The following RBFOX1 variants were observed in gnomAD, a reference collection of about 807,000 sequenced individuals.
The protein encoded by RBFOX1 is RNA binding protein fox-1 homolog 1.
A neutral mutation model predicts 57.7 loss-of-function variants in RBFOX1; 8 were observed. The observed-to-expected ratio is 0.14, with a 90% CI of 0.08 to 0.25. The LOEUF (loss-of-function observed/expected upper bound fraction) is 0.25, where lower values mean the gene tolerates loss of function less well. RBFOX1 is among the 10% of genes least tolerant of loss of function. The pLI, the probability that RBFOX1 is intolerant of heterozygous loss-of-function variation, is 1.00. For missense variants in RBFOX1, 611 were observed against 548.5 expected (o/e 1.11, Z -1.14); for synonymous variants, 326 against 222.4 (o/e 1.47, Z -4.15).
At chr16:5,536,226 G>C (rs990449847) in intron 2 of RBFOX1, among the ~76,000 whole-genome samples, 1 of 116,482 alleles carries the variant, frequency 8.6e-6, no homozygotes, top group African/African-American at 3.5e-5. Flanking sequence ...GAAATCTCCT[G>C]TCTTTTTTTT....
At chr16:6,557,122 CATACATAT>C (rs2097114304) in intron 2 of RBFOX1, among the ~76,000 whole-genome samples, 1 of 139,392 alleles carries the variant, frequency 7.2e-6, no homozygotes, top group African/African-American at 2.6e-5. Flanking sequence ...TACATATATA[CATACATAT>C]ACATATATAC....
chr16:5,958,756 C>A (rs1342922537), intron 4 of RBFOX1, among the ~76,000 whole-genome samples: 1 of 152,184 alleles, frequency 6.6e-6, no homozygotes, highest in Non-Finnish European at 1.5e-5. Context: ...TATTCCTTGC[C>A]TTGTCTAGCT....
chr16:6,059,013 G>T (rs1414649570), intron 1 of RBFOX1, among the ~76,000 whole-genome samples: 1 of 152,220 alleles, frequency 6.6e-6, no homozygotes. Context: ...GAATGTGAAA[G>T]AATGCCACAT....
At chr16:7,575,060 T>TGAG (rs2093194339) in intron 5 of RBFOX1, among the ~76,000 whole-genome samples, 1 of 145,136 alleles carries the variant, frequency 6.9e-6, no homozygotes. Flanking sequence ...TGGGGGGGGC[T>TGAG]GTGGGGGAGG....
At chr16:7,033,580 G>T (rs1319041796) in intron 3 of RBFOX1, among the ~76,000 whole-genome samples, 1 of 152,162 alleles carries the variant, frequency 6.6e-6, no homozygotes, top group Non-Finnish European at 1.5e-5. Context: ...GATCATCATG[G>T]GTGATATGCT....
At chr16:6,970,976 C>T (rs1358205916) in intron 3 of RBFOX1, among the ~76,000 whole-genome samples, 1 of 152,152 alleles carries the variant, frequency 6.6e-6, no homozygotes, top group African/African-American at 2.4e-5. Flanking sequence ...TTCCTCCTGC[C>T]CTTATTTGAT....
At chr16:5,781,605 G>A (rs571322185) in intron 3 of RBFOX1, among the ~76,000 whole-genome samples, 3 of 152,220 alleles carry the variant, frequency 2.0e-5, no homozygotes, top group African/African-American at 7.2e-5. Flanking sequence ...ACCATCAACT[G>A]TCTTATAGTG....
At chr16:7,233,190 C>G (rs1235819890) in intron 4 of RBFOX1, among the ~76,000 whole-genome samples, 1 of 151,206 alleles carries the variant, frequency 6.6e-6, no homozygotes, top group African/African-American at 2.4e-5. Context: ...AAGTCTGGCT[C>G]CTGCCAACCT....
At chr16:7,618,665 T>C (rs2058843329) in intron 10 of RBFOX1, among the ~76,000 whole-genome samples, 1 of 152,210 alleles carries the variant, frequency 6.6e-6, no homozygotes, top group Non-Finnish European at 1.5e-5. Context: ...AGTTGGTGTA[T>C]AAATAGAAAT....
At position 6,550,239 on chromosome 16, in the gene RBFOX1, G is replaced by A. The variant is rs963451272; in HGVS notation, c.-63-104364G>A. 8.5e-5 allele frequency among the ~76,000 whole-genome samples: 13 copies of A among 152,140 alleles called. 1 individual carries two copies. The South Asian group carries it at 1.0e-3, about 12-fold the overall frequency. ...GTCGCCCAGACTGGAGTGTAGTGGC[G>A]TGATCTCAGCTCACTGCAACCTCCG... On this transcript the variant is annotated intron_variant, in intron 2 of 15. Coordinates refer to ENST00000550418, the MANE Select transcript of RBFOX1 (RefSeq NM_018723.4).
intron 2 of RBFOX1, chr16:6,483,343 T>C: frequency 6.8e-7 from 1 of 1,481,142 alleles, no homozygotes; most frequent in Non-Finnish European, 9.0e-7. Context: ...CTGGCGGTCG[T>C]GCCAGGCAGC....
chr16:5,985,350 A>T (rs1443604025), intron 4 of RBFOX1, among the ~76,000 whole-genome samples: 1 of 151,658 alleles, frequency 6.6e-6, no homozygotes, highest in Non-Finnish European at 1.5e-5. Context: ...TTGGTGAGAA[A>T]CTCATTCTGC....
At chr16:7,599,582 T>G (rs780639762) in intron 9 of RBFOX1, among the ~76,000 whole-genome samples, 2 of 151,680 alleles carry the variant, frequency 1.3e-5, no homozygotes, top group Admixed American at 1.3e-4. Context: ...GACATCATTA[T>G]CCCTATTTTA....
chr16:6,104,932 C>G (rs984523214), intron 1 of RBFOX1, among the ~76,000 whole-genome samples: 1 of 152,208 alleles, frequency 6.6e-6, no homozygotes, highest in Non-Finnish European at 1.5e-5. Context: ...AGGCAAATAC[C>G]TAGAACTTTC....
chr16:7,660,851 G>C (rs574874884), intron 12 of RBFOX1, among the ~76,000 whole-genome samples: 1 of 152,276 alleles, frequency 6.6e-6, no homozygotes, highest in South Asian at 2.1e-4. Context: ...GACCACCACT[G>C]CCTGCCATAG....
At chr16:5,692,735 G>T (rs1252768465) in intron 3 of RBFOX1, among the ~76,000 whole-genome samples, 1 of 152,120 alleles carries the variant, frequency 6.6e-6, no homozygotes, top group African/African-American at 2.4e-5. Flanking sequence ...GAGAATTCAA[G>T]CCAGCAAACC....
At chr16:6,015,396 CCAGAGCA>C (rs2094987194), upstream of RBFOX1, among the ~76,000 whole-genome samples, 1 of 152,044 alleles carries the variant, frequency 6.6e-6, no homozygotes, top group Non-Finnish European at 1.5e-5. Flanking sequence ...AGAGTGAAGC[CCAGAGCA>C]CTGGCAGTGG....
In RBFOX1 at chr16:7,054,214, G is replaced by C. The variant is rs1336960721; in HGVS notation, c.27+2116G>C. Among the ~76,000 whole-genome samples the C allele has an allele frequency of 2.4e-3, 15 of 6,342 alleles. 1 individual carries two copies. The highest frequency in any genetic ancestry group is 0.05 in the East Asian group (2 of 40). The allele number at this position is 6,342 out of a possible 152,430, so 4.2% of individuals were successfully genotyped here. On this transcript the variant is annotated intron_variant, in intron 4 of 15. Transcript: ENST00000550418. ...CCTTATTAAGGTGATTTTTTTTTTC[G>C]GGGGGGGGGGGCGGGGAGCTTTTTT...
chr16:7,182,981 C>T (rs1298599991), intron 4 of RBFOX1, among the ~76,000 whole-genome samples: 1 of 152,194 alleles, frequency 6.6e-6, no homozygotes, highest in African/African-American at 2.4e-5. Flanking sequence ...GGAATCTAAG[C>T]TTCCTGAGAG....
Sources: allele counts gnomAD v4.1 joint callset (sites outside exome capture counted in the v4.1 genomes callset), GRCh38; gene constraint gnomAD v4.1.1; transcripts MANE v1.5; gene names NCBI Gene and HGNC (gene_info 2026-07-23, HGNC 2026-07-21).